The following HS6ST3 variants were observed in gnomAD, a reference collection of about 807,000 sequenced individuals.
HS6ST3 encodes heparan-sulfate 6-O-sulfotransferase 3.
Under a neutral mutation model 36.7 loss-of-function variants are expected in HS6ST3, and 12 were observed. That is an observed-to-expected ratio of 0.33 (90% CI 0.21 to 0.53). HS6ST3 has a LOEUF of 0.53. Ranked by LOEUF, HS6ST3 falls within the 20% of genes least tolerant of loss-of-function variation. HS6ST3 has a pLI of 0.95. For synonymous variants in HS6ST3, 240 were observed against 257.5 expected, an observed-to-expected ratio of 0.93 and a Z score of 0.65; for missense variants, 584 against 640.9, an observed-to-expected ratio of 0.91 and a Z score of 0.96.
chr13:96,238,457 G>A (rs968936760), intron 1 of HS6ST3, among the ~76,000 whole-genome samples: 3 of 152,148 alleles, frequency 2.0e-5, no homozygotes, highest in Non-Finnish European at 4.4e-5. Context: ...AGGCTCTTTT[G>A]TTGTCATCCC....
chr13:96,588,093 G>GAT (rs2056368555), intron 1 of HS6ST3, among the ~76,000 whole-genome samples: 1 of 151,662 alleles, frequency 6.6e-6, no homozygotes, highest in South Asian at 2.1e-4. Context: ...TTTGTTTGCT[G>GAT]ATTTTATATG....
chr13:96,706,575 T>C (rs1433452440), intron 1 of HS6ST3, among the ~76,000 whole-genome samples: 2 of 151,716 alleles, frequency 1.3e-5, no homozygotes, highest in Non-Finnish European at 2.9e-5. Flanking sequence ...TGGGTCGTTT[T>C]AATTGCAGGG....
intron 1 of HS6ST3, among the ~76,000 whole-genome samples, chr13:96,247,097 T>C (rs2054588183): frequency 6.6e-6 from 1 of 152,136 alleles, no homozygotes; most frequent in Non-Finnish European, 1.5e-5. Context: ...GGAAAGCAAA[T>C]CAGACATTTC....
intron 1 of HS6ST3, among the ~76,000 whole-genome samples, chr13:96,610,476 G>A (rs1204961904): frequency 6.6e-6 from 1 of 152,184 alleles, no homozygotes; most frequent in Non-Finnish European, 1.5e-5. Flanking sequence ...GCACCCAGAA[G>A]TATCAGGAAC....
chr13:96,254,415 GAAAAAAAAAAAAAAAAAAAAAA>G (rs1174704709), intron 1 of HS6ST3, among the ~76,000 whole-genome samples: 7 of 21,510 alleles, frequency 3.3e-4, no homozygotes, highest in African/African-American at 1.7e-3. Flanking sequence ...CTCTGTCTCA[GAAAAAAAAAAAAAAAAAAAAAA>G]AAAAAAAAAA....
chr13:96,549,963 G>T (rs2056213230), intron 1 of HS6ST3, among the ~76,000 whole-genome samples: 1 of 152,090 alleles, frequency 6.6e-6, no homozygotes, highest in Non-Finnish European at 1.5e-5. Context: ...CATCTCCCTT[G>T]TCACATTGTA....
At chr13:96,360,714 A>G (rs1284099456) in intron 1 of HS6ST3, among the ~76,000 whole-genome samples, 1 of 151,326 alleles carries the variant, frequency 6.6e-6, no homozygotes, top group Non-Finnish European at 1.5e-5. Flanking sequence ...TGGAAGGCTG[A>G]GGCAGGTGGG....
intron 1 of HS6ST3, among the ~76,000 whole-genome samples, chr13:96,438,228 G>T (rs1406705665): frequency 6.6e-6 from 1 of 152,164 alleles, no homozygotes; most frequent in Non-Finnish European, 1.5e-5. Context: ...TATTCACTGT[G>T]TAATAATTTG....
At chr13:96,225,703 G>T (rs1415705026) in intron 1 of HS6ST3, among the ~76,000 whole-genome samples, 1 of 151,960 alleles carries the variant, frequency 6.6e-6, no homozygotes, top group Non-Finnish European at 1.5e-5. Flanking sequence ...TTTTTATTCT[G>T]TGTTATTTAT....
intron 1 of HS6ST3, among the ~76,000 whole-genome samples, chr13:96,131,063 G>T (rs1448171377): frequency 6.6e-6 from 1 of 152,150 alleles, no homozygotes; most frequent in Non-Finnish European, 1.5e-5. Flanking sequence ...GACTGCCATG[G>T]CAAGTGTACT....
intron 1 of HS6ST3, among the ~76,000 whole-genome samples, chr13:96,737,248 A>G (rs1876306528): frequency 6.6e-6 from 1 of 152,240 alleles, no homozygotes; most frequent in Admixed American, 6.5e-5. Flanking sequence ...ATACAAACAT[A>G]ATAAAGAACA....
At chr13:96,578,212 T>C (rs922316577) in intron 1 of HS6ST3, among the ~76,000 whole-genome samples, 1 of 152,214 alleles carries the variant, frequency 6.6e-6, no homozygotes, top group Non-Finnish European at 1.5e-5. Context: ...GGAAAACTAT[T>C]TGGCTCCATG....
At chr13:96,324,796 G>C (rs1245618940) in intron 1 of HS6ST3, among the ~76,000 whole-genome samples, 2 of 152,254 alleles carry the variant, frequency 1.3e-5, no homozygotes, top group Non-Finnish European at 1.5e-5. Flanking sequence ...CTAGGGGAGA[G>C]GCCTAGAATA....
At chr13:96,528,185 A>G (rs1026293802) in intron 1 of HS6ST3, among the ~76,000 whole-genome samples, 1 of 152,236 alleles carries the variant, frequency 6.6e-6, no homozygotes, top group African/African-American at 2.4e-5. Flanking sequence ...CCCAAGGAAA[A>G]GCACCAGGGT....
At chr13:96,302,738 A>G (rs1381420561) in intron 1 of HS6ST3, among the ~76,000 whole-genome samples, 5 of 152,130 alleles carry the variant, frequency 3.3e-5, no homozygotes, top group African/African-American at 9.7e-5. Context: ...GGATAATAAT[A>G]TACGTATAAT....
At chr13:96,284,122 C>CTT (rs1252690464) in intron 1 of HS6ST3, among the ~76,000 whole-genome samples, 1 of 152,122 alleles carries the variant, frequency 6.6e-6, no homozygotes, top group Non-Finnish European at 1.5e-5. Context: ...ATGAGCAATG[C>CTT]TTTTATCTAA....
At chr13:96,195,225 G>A (rs1389862316) in intron 1 of HS6ST3, among the ~76,000 whole-genome samples, 1 of 152,172 alleles carries the variant, frequency 6.6e-6, no homozygotes, top group Non-Finnish European at 1.5e-5. Flanking sequence ...TATATTATTT[G>A]AGGATGTCAA....
In HS6ST3 at chr13:96,731,736, G is replaced by A. The variant is rs562468462; in HGVS notation, c.708-100754G>A. Among the ~76,000 whole-genome samples, 211 of 151,678 alleles carry A rather than the reference G, an allele frequency of 1.4e-3. 3 individuals carry two copies. The highest frequency in any genetic ancestry group is 4.9e-3 in the African/African-American group (203 of 41,346). On this transcript the variant is annotated intron_variant, in intron 1 of 1. Transcript: ENST00000376705. ...TGCAGTAGTGTGATCACTGATCACC[G>A]CAGCCTTCCCCCTGGCTCAGGCAAT...
At chr13:96,132,121 TACACAC>T (rs60692669) in intron 1 of HS6ST3, among the ~76,000 whole-genome samples, 15,551 of 134,414 alleles carry the variant, frequency 0.12, 934 homozygotes, top group East Asian at 0.18. Flanking sequence ...AGTATTCCAG[TACACAC>T]ACACACACAC....
Sources: allele counts gnomAD v4.1 joint callset (sites outside exome capture counted in the v4.1 genomes callset), GRCh38; gene constraint gnomAD v4.1.1; transcripts MANE v1.5; gene names NCBI Gene and HGNC (gene_info 2026-07-23, HGNC 2026-07-21).